The following HAAO variants were observed in gnomAD, a reference collection of about 807,000 sequenced individuals.
HAAO encodes 3-hydroxyanthranilate oxygenase.
In HAAO, 49 loss-of-function variants were observed where a neutral mutation model predicts 46.2. That is an observed-to-expected ratio of 1.06 (90% CI 0.84 to 1.34). HAAO has a LOEUF of 1.34. Among genes scored for constraint, HAAO ranks in the 40% most tolerant of loss-of-function variants. The probability of loss-of-function intolerance (pLI) is 0.00; values close to 1 mark genes in which losing one functional copy is unlikely to be tolerated. For synonymous variants in HAAO, 157 were observed against 145.2 expected (o/e 1.08, Z -0.58); for missense variants, 408 against 364.5 (o/e 1.12, Z -0.97).
intron 4 of HAAO, among the ~76,000 whole-genome samples, chr2:42,775,861 CTTT>C (rs56249729): frequency 9.1e-5 from 11 of 121,418 alleles, no homozygotes; most frequent in Admixed American, 1.8e-4. Context: ...TTGTGTTATC[CTTT>C]TTTTTTTTTT....
At chr2:42,791,490 T>C (rs1416110721) in intron 1 of HAAO, among the ~76,000 whole-genome samples, 1 of 143,440 alleles carries the variant, frequency 7.0e-6, no homozygotes, top group Non-Finnish European at 1.5e-5. Flanking sequence ...GTTGGCCATG[T>C]GGTATTGCAT....
intron 2 of HAAO, among the ~76,000 whole-genome samples, chr2:42,784,630 G>A (rs577434301): frequency 1.3e-5 from 2 of 152,194 alleles, no homozygotes; most frequent in East Asian, 3.9e-4. Flanking sequence ...AGAGGAGGAG[G>A]CAGACCGGTT....
At chr2:42,772,480 CAA>C (rs765907105) in intron 4 of HAAO, among the ~76,000 whole-genome samples, 1,370 of 119,344 alleles carry the variant, frequency 0.011, 19 homozygotes, top group African/African-American at 0.037. Flanking sequence ...GACTCCATCT[CAA>C]AAAAAAAAAA....
At position 42,783,436 on chromosome 2, in the gene HAAO, T is replaced by C; in HGVS notation, c.244-16A>G. The C allele has an allele frequency of 6.7e-7, 1 of 1,503,596 alleles. No individual in the cohort carries two copies. The highest frequency in any genetic ancestry group is 1.1e-5 in the South Asian group (1 of 87,460). 93.1% of individuals were successfully genotyped at this position (1,503,596 alleles called of 1,614,324 possible). A position where few individuals can be genotyped will look rare whatever the true frequency, so the allele number is the denominator to read the frequency against. On this transcript the variant is annotated splice_polypyrimidine_tract_variant and intron_variant, in intron 3 of 9. Transcript: ENST00000294973. The stretch of plus-strand genomic sequence containing the variant: ...GGAGGAATATCTGCAGTGGTAGAGA[T>C]AAGGTGCACAGTGAGGCTGCAATCC...
rs745790505 is a variant in HAAO, at chr2:42,767,592, C to G, written c.782+3G>C. ...CCAGGGAAAGCCCTCCCTGCGTACT[C>G]ACGAGGTCCCAGCTAGCACCAGGAG... On this transcript the variant is annotated splice_donor_region_variant and intron_variant, in intron 9 of 9. Coordinates refer to ENST00000294973, the MANE Select transcript of HAAO (RefSeq NM_012205.3). 1 of 1,577,092 alleles carries G rather than the reference C, an allele frequency of 6.3e-7. No individual in the cohort carries two copies. Among genetic ancestry groups the G allele is most frequent in the Non-Finnish European group, 8.6e-7 (1 of 1,160,646 alleles).
At chr2:42,788,782 T>C (rs1010779725) in intron 1 of HAAO, among the ~76,000 whole-genome samples, 175 bp from the exon 2 acceptor site, 2 of 152,200 alleles carry the variant, frequency 1.3e-5, no homozygotes, top group African/African-American at 4.8e-5. Context: ...TGCGTGCATC[T>C]AAGTGTCTAT....
At position 42,783,262 on chromosome 2, in the gene HAAO, G is replaced by A. The variant is rs115444194; in HGVS notation, c.350+52C>T. 281 of 1,074,346 alleles carry A rather than the reference G, an allele frequency of 2.6e-4. 1 individual carries two copies. In the African/African-American group the frequency reaches 3.8e-3, roughly 14 times the overall value. 66.6% of individuals were successfully genotyped at this position (1,074,346 alleles called of 1,614,324 possible). A position where few individuals can be genotyped will look rare whatever the true frequency, so the allele number is the denominator to read the frequency against. ...CCCTTCAGCTGCAGTTTGGAGCTGTGCTCCTCTGCTGTTTGCCCTTTCTCT... is the reference window on the plus strand; with the variant it reads ...CCCTTCAGCTGCAGTTTGGAGCTGTACTCCTCTGCTGTTTGCCCTTTCTCT... On this transcript the variant is annotated intron_variant, in intron 4 of 9. Coordinates refer to ENST00000294973, the MANE Select transcript of HAAO (RefSeq NM_012205.3).
intron 4 of HAAO, among the ~76,000 whole-genome samples, chr2:42,774,598 AAGG>A (rs1016110045): frequency 2.6e-5 from 4 of 152,148 alleles, no homozygotes; most frequent in African/African-American, 9.7e-5. Flanking sequence ...CAATAGGGAA[AAGG>A]AGGTTTTTTT....
chr2:42,767,626 CA>C lies in HAAO; in HGVS notation c.750del (p.Asp251MetfsTer7). 1 of 1,573,052 alleles carries C rather than the reference CA, an allele frequency of 6.4e-7. No homozygotes were observed. Among genetic ancestry groups the C allele is most frequent in the Non-Finnish European group, 8.6e-7 (1 of 1,158,470 alleles). ...TMGGRRLSLAPDDSLLVLAGT... is the reference protein window; with the variant it reads ...TMGGRRLSLAXDDSLLVLAGT... ...CCAGCTAGCACCAGGAGGCTGTCAT[CA>C]GGGGCCAGGCTCAGGCGCCGTCCCC... On this transcript the variant is annotated frameshift_variant, in exon 9 of 10. Coordinates refer to ENST00000294973, the MANE Select transcript of HAAO (RefSeq NM_012205.3). LOFTEE classifies it high-confidence loss of function.
intron 2 of HAAO, among the ~76,000 whole-genome samples, chr2:42,784,796 C>T (rs1211169312): frequency 6.6e-6 from 1 of 152,218 alleles, no homozygotes; most frequent in Non-Finnish European, 1.5e-5. Context: ...CAAATAGTCA[C>T]CACCCTTCTG....
At chr2:42,778,432 C>A (rs1671749968) in intron 4 of HAAO, among the ~76,000 whole-genome samples, 1 of 152,062 alleles carries the variant, frequency 6.6e-6, no homozygotes, top group South Asian at 2.1e-4. Context: ...CAGGTTCAAA[C>A]AATTCTTCTG....
intron 4 of HAAO, among the ~76,000 whole-genome samples, chr2:42,774,014 A>G (rs1377413238): frequency 3.9e-5 from 6 of 152,144 alleles, no homozygotes; most frequent in Non-Finnish European, 7.4e-5. Flanking sequence ...TTTTCTACCT[A>G]TGACCTAGAA....
intron 7 of HAAO, 78 bp downstream of exon 7, chr2:42,769,632 AGAG>A: frequency 1.1e-6 from 1 of 944,090 alleles, no homozygotes; most frequent in South Asian, 1.6e-5. Context: ...AGAGAGAGAG[AGAG>A]GCAGTGAGAG....
rs546410865 is a variant in HAAO, at chr2:42,772,891, C to T, written c.351-2309G>A. ...AATACAACAAATAATGATCACGCCACTGCATTCCAGCGTGGGTGATAGATA... is the reference window on the plus strand; with the variant it reads ...AATACAACAAATAATGATCACGCCATTGCATTCCAGCGTGGGTGATAGATA... On this transcript the variant is annotated intron_variant, in intron 4 of 9. Transcript: ENST00000294973. Among the ~76,000 whole-genome samples the T allele has an allele frequency of 3.4e-5, 5 of 148,774 alleles. No homozygotes were observed. The East Asian group carries it at 7.8e-4, about 23-fold the overall frequency.
chr2:42,788,617 G>T lies in HAAO; in HGVS notation c.81-10C>A, dbSNP rs3816184. 2.0e-6 allele frequency: 3 copies of T among 1,474,928 alleles called. No homozygotes were observed. The highest frequency in any genetic ancestry group is 2.8e-6 in the Non-Finnish European group (3 of 1,055,148). The allele number at this position is 1,474,928 out of a possible 1,614,324, so 91.4% of individuals were successfully genotyped here. The stretch of plus-strand genomic sequence containing the variant: ...GAGCTGCTCCTGGTGCCTGCAATGC[G>T]CAAAGTGGGGGAGACGTTCTAAACC... On this transcript the variant is annotated splice_polypyrimidine_tract_variant and intron_variant, in intron 1 of 9. Transcript: ENST00000294973.
intron 2 of HAAO, among the ~76,000 whole-genome samples, chr2:42,788,176 A>G (rs551635270): frequency 6.5e-4 from 99 of 152,250 alleles, no homozygotes; most frequent in Non-Finnish European, 1.1e-3. Flanking sequence ...TTGGAGACCA[A>G]TTGAATCTGT....
At chr2:42,773,706 C>A (rs1339956412) in intron 4 of HAAO, among the ~76,000 whole-genome samples, 11 of 152,082 alleles carry the variant, frequency 7.2e-5, no homozygotes, top group Middle Eastern at 3.2e-3. Context: ...CCTGCCCCAG[C>A]CTCCCAAGTA....
At chr2:42,784,515 G>T (rs1672246351) in intron 2 of HAAO, among the ~76,000 whole-genome samples, 1 of 117,244 alleles carries the variant, frequency 8.5e-6, no homozygotes, top group Non-Finnish European at 1.8e-5. Flanking sequence ...GCTCTCCTGG[G>T]GGTGGGGGGA....
In HAAO at chr2:42,775,993, T is replaced by A. The variant is rs190996487; in HGVS notation, c.351-5411A>T. On this transcript the variant is annotated intron_variant, in intron 4 of 9. Transcript: ENST00000294973. ...AGATCAAATGTGGAAGAGTGTGGTT[T>A]AGATACTTAGAAATGTCTTTGTTTA... 2.5e-3 allele frequency among the ~76,000 whole-genome samples: 380 copies of A among 151,962 alleles called. 2 individuals are homozygous for A. Among genetic ancestry groups the A allele is most frequent in the African/African-American group, 8.7e-3 (361 of 41,488 alleles).
Sources: gnomAD v4.1 joint callset for allele counts (sites outside exome capture counted in the v4.1 genomes callset) on GRCh38, gnomAD v4.1.1 for gene constraint, MANE v1.5 for transcripts, NCBI Gene and HGNC (gene_info 2026-07-23, HGNC 2026-07-21) for gene names.